The following SIPA1L2 variants were observed in gnomAD, a reference collection of about 807,000 sequenced individuals.
SIPA1L2 encodes the protein signal-induced proliferation-associated 1-like protein 2.
In SIPA1L2, 56 loss-of-function variants were observed where a neutral mutation model predicts 163.9. The ratio of observed to expected loss-of-function variants is 0.34; its 90% CI spans 0.28 to 0.43. The LOEUF (loss-of-function observed/expected upper bound fraction) is 0.43, where lower values mean the gene tolerates loss of function less well. Among genes scored for constraint, SIPA1L2 ranks in the 20% least tolerant of loss-of-function variants. The pLI is 1.00. For synonymous variants in SIPA1L2, 877 were observed against 865.7 expected, an observed-to-expected ratio of 1.01 and a Z score of -0.23; for missense variants, 1,974 against 2,193.5, an observed-to-expected ratio of 0.90 and a Z score of 2.00.
chr1:232,439,069 G>A lies in SIPA1L2; in HGVS notation c.4031+39C>T. ...TATCCCAGCAGGCAGGGCCCAGGTG[G>A]CACCAGCAGGTACTACTCTGCAGTG... On this transcript the variant is annotated intron_variant, in intron 15 of 22. Coordinates refer to ENST00000674635, the MANE Select transcript of SIPA1L2 (RefSeq NM_020808.5). The A allele has an allele frequency of 1.9e-6, 3 of 1,545,384 alleles. No homozygotes were observed. The Admixed American group carries it at 5.3e-5, about 27-fold the overall frequency.
intron 2 of SIPA1L2, among the ~76,000 whole-genome samples, chr1:232,553,061 T>C (rs1658490888): frequency 6.6e-6 from 1 of 152,212 alleles, no homozygotes. Context: ...GGTTCTTGTC[T>C]GGAGTCCAGG....
chr1:232,476,331 C>T (rs1006516082), intron 7 of SIPA1L2, among the ~76,000 whole-genome samples: 2 of 152,104 alleles, frequency 1.3e-5, no homozygotes, highest in African/African-American at 4.8e-5. Context: ...GATACCTCCA[C>T]GAGGCGTCAG....
chr1:232,610,890 T>C (rs536339125), intron 1 of SIPA1L2, among the ~76,000 whole-genome samples: 47 of 152,308 alleles, frequency 3.1e-4, no homozygotes, highest in Middle Eastern at 6.8e-3. Flanking sequence ...AAAAACTCTA[T>C]TTATACTAAC....
Position 232,526,320 on chromosome 1 carries a change from G to A in SIPA1L2, c.-269-10712C>T, listed in dbSNP as rs1667704338. On this transcript the variant is annotated intron_variant, in intron 2 of 22. Transcript: ENST00000674635. ...CCAGATGGTGTGTACACCTCTCATG[G>A]GATCCCCTAACCCAGCGGTCCCCAA... Among the ~76,000 whole-genome samples the A allele has an allele frequency of 1.3e-5, 2 of 151,662 alleles. 1 individual carries two copies. Among genetic ancestry groups the A allele is most frequent in the South Asian group, 4.2e-4 (2 of 4,792 alleles).
intron 2 of SIPA1L2, among the ~76,000 whole-genome samples, chr1:232,558,629 C>A (rs1573080595): frequency 6.6e-6 from 1 of 152,226 alleles, no homozygotes; most frequent in Admixed American, 6.5e-5. Context: ...TCTCAGTGCA[C>A]CCCCAAACAA....
chr1:232,542,081 A>G (rs531718358), intron 2 of SIPA1L2, among the ~76,000 whole-genome samples: 8 of 152,338 alleles, frequency 5.3e-5, no homozygotes, highest in Admixed American at 1.3e-4. Context: ...TTTGTAGTGA[A>G]TGATGTAATG....
In SIPA1L2 at chr1:232,564,235, C is replaced by CGTGTGT. The variant is rs59088753; in HGVS notation, c.-270+9933_-270+9938dup. Among the ~76,000 whole-genome samples, 22 of 29,698 alleles carry CGTGTGT rather than the reference C, an allele frequency of 7.4e-4. 2 individuals are homozygous for CGTGTGT. Among genetic ancestry groups the CGTGTGT allele is most frequent in the African/African-American group, 1.3e-3 (5 of 3,984 alleles). 19.5% of individuals were successfully genotyped at this position (29,698 alleles called of 152,430 possible). On this transcript the variant is annotated intron_variant, in intron 2 of 22. Transcript: ENST00000674635. ...GAACGACAAAGGTTTTTTTTTTTTT[C>CGTGTGT]GTGTGTGTGTGTGTGTGTGTGTGTG... is the stretch of plus-strand genomic sequence containing the variant.
chr1:232,466,393 A>C (rs1050890970), intron 8 of SIPA1L2, among the ~76,000 whole-genome samples: 1 of 152,232 alleles, frequency 6.6e-6, no homozygotes, highest in African/African-American at 2.4e-5. Context: ...CGAGCATTGT[A>C]ATCTATTAAA....
intron 2 of SIPA1L2, among the ~76,000 whole-genome samples, chr1:232,553,320 TTCTGTTCA>T (rs1658509318): frequency 1.3e-5 from 2 of 152,190 alleles, no homozygotes; most frequent in Non-Finnish European, 2.9e-5. Context: ...CCCTTCTCTC[TTCTGTTCA>T]TCTGCCCGTC....
At chr1:232,444,438 G>A (rs1392591652) in intron 11 of SIPA1L2, among the ~76,000 whole-genome samples, 1 of 152,080 alleles carries the variant, frequency 6.6e-6, no homozygotes, top group African/African-American at 2.4e-5. Flanking sequence ...ATATGGGAAA[G>A]TTATAAACTT....
intron 2 of SIPA1L2, among the ~76,000 whole-genome samples, chr1:232,545,802 A>C (rs1657996326): frequency 6.6e-6 from 1 of 152,200 alleles, no homozygotes; most frequent in Non-Finnish European, 1.5e-5. Flanking sequence ...ATGTTCTATA[A>C]TATTTTTCAA....
chr1:232,628,053 G>A (rs899913753), intron 1 of SIPA1L2, among the ~76,000 whole-genome samples: 1 of 152,180 alleles, frequency 6.6e-6, no homozygotes, highest in Admixed American at 6.5e-5. Context: ...TTTACTCAGC[G>A]TATAAATAAG....
At chr1:232,431,320 AT>A (rs918364929) in intron 16 of SIPA1L2, among the ~76,000 whole-genome samples, 12 of 152,198 alleles carry the variant, frequency 7.9e-5, no homozygotes, top group African/African-American at 2.9e-4. Context: ...GACTGACATG[AT>A]TTTTTTAACA....
chr1:232,443,603 C>T lies in SIPA1L2; in HGVS notation c.3436G>A (p.Gly1146Arg), dbSNP rs756059455. ...GPWRPQVGYD[G>R]CQSPLLLEHQ... ...AACTAAGATAAAAATGAACAGTACC[C>T]GTCGTAGCCCACTTGTGGTCTCCAG... The change falls in exon 12 of 23, where the codon GGG (glycine) becomes AGG (arginine). Residue 1146 changes from glycine to arginine, a missense_variant and splice_region_variant. Coordinates refer to ENST00000674635, the MANE Select transcript of SIPA1L2 (RefSeq NM_020808.5). 3 of 1,594,682 alleles carry T rather than the reference C, an allele frequency of 1.9e-6. No individual in the cohort carries two copies. The highest frequency in any genetic ancestry group is 2.3e-5 in the East Asian group (1 of 43,902).
At position 232,432,250 on chromosome 1, in the gene SIPA1L2, G is replaced by A. The variant is rs1427907976; in HGVS notation, c.4253C>T (p.Pro1418Leu). 1.9e-5 allele frequency: 31 copies of A among 1,613,274 alleles called. No homozygotes were observed. The highest frequency in any genetic ancestry group is 2.5e-5 in the Non-Finnish European group (30 of 1,179,844). ...GAAGAACAGCCAGCCACCTTACCCG[G>A]GACATTCAGTCACTTCAGGCTCCTC... is the stretch of plus-strand genomic sequence containing the variant. ...PPEEPEVTEC[P>L]GMYSEMDVMS... The change falls in exon 16 of 23, where the codon CCC becomes CTC. Residue 1418 changes from proline to leucine, a missense_variant. By Grantham distance (98) the Pro-to-Leu change is moderately conservative. Transcript: ENST00000674635.
chr1:232,537,832 C>T (rs911559675), intron 2 of SIPA1L2, among the ~76,000 whole-genome samples: 7 of 152,210 alleles, frequency 4.6e-5, no homozygotes, highest in Non-Finnish European at 7.3e-5. Flanking sequence ...GCCTCCCATA[C>T]GCAAATGTGT....
chr1:232,429,831 C>T (rs574960622), intron 16 of SIPA1L2, among the ~76,000 whole-genome samples: 29 of 152,262 alleles, frequency 1.9e-4, no homozygotes, highest in African/African-American at 7.0e-4. Flanking sequence ...TTAGGTGGTG[C>T]TCAAGAGCTC....
chr1:232,399,507 G>T (rs12038451), intron 22 of SIPA1L2, among the ~76,000 whole-genome samples: 10,078 of 151,812 alleles, frequency 0.066, 896 homozygotes, highest in East Asian at 0.48. Flanking sequence ...CTCCCATGGG[G>T]TGCTAAGATA....
At chr1:232,535,245 T>C (rs1397264817) in intron 2 of SIPA1L2, among the ~76,000 whole-genome samples, 4 of 152,160 alleles carry the variant, frequency 2.6e-5, no homozygotes, top group Admixed American at 1.3e-4. Flanking sequence ...CCACAACATA[T>C]GTTTTTTTTT....
Sources: gnomAD v4.1 joint callset for allele counts (sites outside exome capture counted in the v4.1 genomes callset) on GRCh38, gnomAD v4.1.1 for gene constraint, MANE v1.5 for transcripts, NCBI Gene and HGNC (gene_info 2026-07-23, HGNC 2026-07-21) for gene names.